Variants in HES5 observed in about 807,000 individuals in gnomAD.
HES5 encodes transcription factor HES-5.
Under a neutral mutation model 9.6 loss-of-function variants are expected in HES5, and 12 were observed. The observed-to-expected ratio is 1.25, with a 90% CI of 0.80 to 2.03. The LOEUF is 2.03. Among genes scored for constraint, HES5 ranks in the 30% most tolerant of loss-of-function variants. HES5 has a pLI of 0.00. For missense variants in HES5, 255 were observed against 218.6 expected, an observed-to-expected ratio of 1.17 and a Z score of -1.05; for synonymous variants, 131 against 102.4, an observed-to-expected ratio of 1.28 and a Z score of -1.69.
At position 2,529,715 on chromosome 1, in the gene HES5, G is replaced by A; in HGVS notation, c.255C>T (p.His85=). The part of the protein sequence containing the change: ...FVAAAGPKSL[H]QDYSEGYSWC... ...ACGAGTAGCCTTCGCTGTAGTCCTG[G>A]TGCAGGCTCTTGGGGCCGGCGGCGG... Residue 85 remains histidine (H), a synonymous_variant, in exon 3 of 3, where the codon CAC becomes CAT. Coordinates refer to ENST00000378453, the MANE Select transcript of HES5 (RefSeq NM_001010926.4). This position sits in a 1 kb window ranked among gnomAD's most constrained non-coding sequence, Gnocchi z 4.5. 7.9e-7 allele frequency: 1 copy of A among 1,269,712 alleles called. No individual in the cohort carries two copies. Among genetic ancestry groups the A allele is most frequent in the Non-Finnish European group, 1.0e-6 (1 of 995,134 alleles). The allele number at this position is 1,269,712 out of a possible 1,614,324, so 78.7% of individuals were successfully genotyped here. A position where few individuals can be genotyped will look rare whatever the true frequency, so the allele number is the denominator to read the frequency against.
Position 2,530,023 on chromosome 1 carries a change from G to T in HES5, c.55-12C>A, listed in dbSNP as rs1008214132. On this transcript the variant is annotated splice_polypyrimidine_tract_variant and intron_variant, in intron 1 of 2. Coordinates refer to ENST00000378453, the MANE Select transcript of HES5 (RefSeq NM_001010926.4). Reference sequence around the variant, plus strand: ...ACCGGCTTCCGCAGCTGCGGGAGGAGGGGGTGTCAGGCTGGCCCGGCACGG... The same window carrying T: ...ACCGGCTTCCGCAGCTGCGGGAGGATGGGGTGTCAGGCTGGCCCGGCACGG... 3.1e-6 allele frequency: 5 copies of T among 1,603,130 alleles called. No individual in the cohort carries two copies. In the African/African-American group the frequency reaches 6.7e-5, roughly 21 times the overall value.
chr1:2,528,755 A>G lies in HES5; in HGVS notation c.*714T>C, dbSNP rs1161195590. The G allele has an allele frequency of 6.6e-6, 1 of 152,402 alleles. No individual in the cohort carries two copies. The highest frequency in any genetic ancestry group is 2.4e-5 in the African/African-American group (1 of 41,444). 9.4% of individuals were successfully genotyped at this position (152,402 alleles called of 1,614,324 possible). A position where few individuals can be genotyped will look rare whatever the true frequency, so the allele number is the denominator to read the frequency against. ...GCAGACGACACTGTGTTGGGGGCTG[A>G]ACAATCAGATTTTATTATGGCGGCT... is the stretch of plus-strand genomic sequence containing the variant. On this transcript the variant is annotated 3_prime_UTR_variant, in exon 3 of 3. Transcript: ENST00000378453.
At position 2,530,154 on chromosome 1, in the gene HES5, C is replaced by T; in HGVS notation, c.11G>A (p.Ser4Asn). Residue 4 changes from serine (S) to asparagine (N), a missense_variant, in exon 1 of 3, where the codon AGC becomes AAC. Physicochemically the swap from Ser to Asn is conservative, Grantham distance 46 (BLOSUM62 1). Coordinates refer to ENST00000378453, the MANE Select transcript of HES5 (RefSeq NM_001010926.4). The stretch of plus-strand genomic sequence containing the variant: ...GCTGAGCAGCTCCACGGCCACAGTG[C>T]TGGGGGCCATGCCTGGCGCGGAACA... Reference protein sequence around the residue: MAPSTVAVELLSPK... With the variant: MAPNTVAVELLSPK... The T allele has an allele frequency of 6.6e-7, 1 of 1,522,922 alleles. No homozygotes were observed. The highest frequency in any genetic ancestry group is 8.8e-7 in the Non-Finnish European group (1 of 1,133,842). 94.3% of individuals were successfully genotyped at this position (1,522,922 alleles called of 1,614,324 possible). A position where few individuals can be genotyped will look rare whatever the true frequency, so the allele number is the denominator to read the frequency against.
In HES5 at chr1:2,529,299, A is replaced by AT; in HGVS notation, c.*169dup. 1 of 538,688 alleles carries AT rather than the reference A, an allele frequency of 1.9e-6. No individual in the cohort carries two copies. Among genetic ancestry groups the AT allele is most frequent in the Non-Finnish European group, 2.4e-6 (1 of 418,590 alleles). The allele number at this position is 538,688 out of a possible 1,614,324, so 33.4% of individuals were successfully genotyped here. Reference sequence around the variant, plus strand: ...AAAACGGCAGGGACTCTGCACACACATTCTCTGAGAATGGGGCTCCTGCGG... The same window carrying AT: ...AAAACGGCAGGGACTCTGCACACACATTTCTCTGAGAATGGGGCTCCTGCGG... On this transcript the variant is annotated 3_prime_UTR_variant, in exon 3 of 3. Coordinates refer to ENST00000378453, the MANE Select transcript of HES5 (RefSeq NM_001010926.4). This position sits in a 1 kb window ranked among gnomAD's most constrained non-coding sequence, Gnocchi z 4.5.
chr1:2,530,222 CGGGCGCGGGCAAGGCCAAGCGCG>C lies in HES5; in HGVS notation c.-81_-59del. 2.2e-6 allele frequency: 3 copies of C among 1,395,068 alleles called. No homozygotes were observed. In the South Asian group the frequency reaches 4.7e-5, roughly 22 times the overall value. The allele number at this position is 1,395,068 out of a possible 1,614,324, so 86.4% of individuals were successfully genotyped here. A position where few individuals can be genotyped will look rare whatever the true frequency, so the allele number is the denominator to read the frequency against. On this transcript the variant is annotated 5_prime_UTR_variant, in exon 1 of 3. Coordinates refer to ENST00000378453, the MANE Select transcript of HES5 (RefSeq NM_001010926.4). ...GGGAGGCCGGGCGAGACGAGGCGAG[CGGGCGCGGGCAAGGCCAAGCGCG>C]TCCCGGGCTGGCGCGGACACCGGCC...
At position 2,529,581 on chromosome 1, in the gene HES5, G is replaced by A; in HGVS notation, c.389C>T (p.Ala130Val). Reference protein sequence around the residue: ...QRPPAAPAAPAKEPKAPGAAP... With the variant: ...QRPPAAPAAPVKEPKAPGAAP... ...GGCGCCCGGCGCCTTGGGCTCCTTGGCGGGCGCGGCGGGCGCGGCCGGGGG... is the reference window on the plus strand; with the variant it reads ...GGCGCCCGGCGCCTTGGGCTCCTTGACGGGCGCGGCGGGCGCGGCCGGGGG... Residue 130 changes from alanine to valine, a missense_variant, in exon 3 of 3, where the codon GCC becomes GTC. Coordinates refer to ENST00000378453, the MANE Select transcript of HES5 (RefSeq NM_001010926.4). The surrounding 1 kb of genome is among the most constrained non-coding windows in gnomAD (Gnocchi z 4.5). 1.7e-6 allele frequency: 2 copies of A among 1,144,980 alleles called. No individual in the cohort carries two copies. The highest frequency in any genetic ancestry group is 3.8e-5 in the South Asian group (1 of 26,466). 70.9% of individuals were successfully genotyped at this position (1,144,980 alleles called of 1,614,324 possible).
chr1:2,529,529 C>T lies in HES5; in HGVS notation c.441G>A (p.Lys147=), dbSNP rs1643976782. Residue 147 remains lysine (K), a synonymous_variant, in exon 3 of 3, where the codon AAG becomes AAA. Transcript: ENST00000378453. The surrounding 1 kb of genome is among the most constrained non-coding windows in gnomAD (Gnocchi z 4.5). ...GAAPPPALSA[K]ATAAAAAAHQ... ...GCGCGGCGGCGGCGGCGGCGGTGGCCTTGGCGGAGAGCGCGGGCGGGGGCG... is the reference window on the plus strand; with the variant it reads ...GCGCGGCGGCGGCGGCGGCGGTGGCTTTGGCGGAGAGCGCGGGCGGGGGCG... 2.8e-6 allele frequency: 3 copies of T among 1,067,436 alleles called. No homozygotes were observed. The highest frequency in any genetic ancestry group is 3.4e-6 in the Non-Finnish European group (3 of 882,724). 66.1% of individuals were successfully genotyped at this position (1,067,436 alleles called of 1,614,324 possible). A position where few individuals can be genotyped will look rare whatever the true frequency, so the allele number is the denominator to read the frequency against.
rs1643988943 is a variant in HES5 at position 2,530,186 on chromosome 1, G to A, written c.-22C>T. The A allele has an allele frequency of 6.8e-7, 1 of 1,476,396 alleles. No individual in the cohort carries two copies. The allele number at this position is 1,476,396 out of a possible 1,614,324, so 91.5% of individuals were successfully genotyped here. On this transcript the variant is annotated 5_prime_UTR_variant, in exon 1 of 3. Coordinates refer to ENST00000378453, the MANE Select transcript of HES5 (RefSeq NM_001010926.4). Reference sequence around the variant, plus strand: ...CCATGCCTGGCGCGGAACAGGCGACGAGGCGACGCGGGGAGGCCGGGCGAG... The same window carrying A: ...CCATGCCTGGCGCGGAACAGGCGACAAGGCGACGCGGGGAGGCCGGGCGAG...
In HES5 at chr1:2,529,709, G is replaced by A. The variant is rs926290877; in HGVS notation, c.261C>T (p.Asp87=). 3 of 1,282,560 alleles carry A rather than the reference G, an allele frequency of 2.3e-6. No homozygotes were observed. Among genetic ancestry groups the A allele is most frequent in the Non-Finnish European group, 3.0e-6 (3 of 1,002,192 alleles). The allele number at this position is 1,282,560 out of a possible 1,614,324, so 79.4% of individuals were successfully genotyped here. A position where few individuals can be genotyped will look rare whatever the true frequency, so the allele number is the denominator to read the frequency against. Residue 87 remains aspartate (D), a synonymous_variant, in exon 3 of 3, where the codon GAC becomes GAT. Coordinates refer to ENST00000378453, the MANE Select transcript of HES5 (RefSeq NM_001010926.4). This position sits in a 1 kb window ranked among gnomAD's most constrained non-coding sequence, Gnocchi z 4.5. ...GGCACCACGAGTAGCCTTCGCTGTA[G>A]TCCTGGTGCAGGCTCTTGGGGCCGG... is the stretch of plus-strand genomic sequence containing the variant. ...AAAGPKSLHQ[D]YSEGYSWCLQ...
rs1213198965 is a variant in HES5, at chr1:2,529,793, G to A, written c.221-44C>T. On this transcript the variant is annotated intron_variant, in intron 2 of 2. Transcript: ENST00000378453. This position sits in a 1 kb window ranked among gnomAD's most constrained non-coding sequence, Gnocchi z 4.5. ...GCGGTGAGCGGGCGGCGGGGCGCGG[G>A]GGAGCCGGGGCGCGGTGGGAACTCG... is the stretch of plus-strand genomic sequence containing the variant. 3.9e-6 allele frequency: 5 copies of A among 1,283,634 alleles called. No homozygotes were observed. The South Asian group carries it at 1.5e-4, about 37-fold the overall frequency. 79.5% of individuals were successfully genotyped at this position (1,283,634 alleles called of 1,614,324 possible).
In HES5 at chr1:2,529,776, C is replaced by T. The variant is rs776833287; in HGVS notation, c.221-27G>A. 346 of 1,241,624 alleles carry T rather than the reference C, an allele frequency of 2.8e-4. 1 individual carries two copies. Among genetic ancestry groups the T allele is most frequent in the Non-Finnish European group, 3.4e-4 (340 of 987,596 alleles). 76.9% of individuals were successfully genotyped at this position (1,241,624 alleles called of 1,614,324 possible). Reference sequence around the variant, plus strand: ...TGCGGGGAGACGCGGCGGCGGTGAGCGGGCGGCGGGGCGCGGGGGAGCCGG... The same window carrying T: ...TGCGGGGAGACGCGGCGGCGGTGAGTGGGCGGCGGGGCGCGGGGGAGCCGG... On this transcript the variant is annotated intron_variant, in intron 2 of 2. Transcript: ENST00000378453. This position sits in a 1 kb window ranked among gnomAD's most constrained non-coding sequence, Gnocchi z 4.5.
In HES5 at chr1:2,530,087, G is replaced by A. The variant is rs778932755; in HGVS notation, c.54+24C>T. 3.5e-5 allele frequency: 56 copies of A among 1,592,236 alleles called. No homozygotes were observed. The South Asian group carries it at 5.8e-4, about 16-fold the overall frequency. ...GAGGACCGGAGGCCGCGGGGACAGC[G>A]CGCCGGGCGAGTCTGGTACTTACTC... On this transcript the variant is annotated intron_variant, in intron 1 of 2. Coordinates refer to ENST00000378453, the MANE Select transcript of HES5 (RefSeq NM_001010926.4).
chr1:2,529,891 C>T lies in HES5; in HGVS notation c.175G>A (p.Ala59Thr), dbSNP rs764855346. ...CTGACAGCCATCTCCAGGATGTCGG[C>T]CTTCTCCAGCTTGGAGTTGGGCTGG... ...RHQPNSKLEK[A>T]DILEMAVSYL... The change falls in exon 2 of 3, where the codon GCC (alanine) becomes ACC (threonine). Residue 59 changes from alanine to threonine, a missense_variant. By Grantham distance (58) the Ala-to-Thr change is moderately conservative. Transcript: ENST00000378453. The surrounding 1 kb of genome is among the most constrained non-coding windows in gnomAD (Gnocchi z 4.5). 1.9e-6 allele frequency: 3 copies of T among 1,603,476 alleles called. No individual in the cohort carries two copies. Among genetic ancestry groups the T allele is most frequent in the Non-Finnish European group, 2.6e-6 (3 of 1,175,402 alleles).
Position 2,529,239 on chromosome 1 carries a change from C to G in HES5, c.*230G>C. On this transcript the variant is annotated 3_prime_UTR_variant, in exon 3 of 3. Transcript: ENST00000378453. This position sits in a 1 kb window ranked among gnomAD's most constrained non-coding sequence, Gnocchi z 4.5. ...CAAACACAGAACAACCCCATGGGGTCAGACACTTGGCAGAAGATGGGCCCT... is the reference window on the plus strand; with the variant it reads ...CAAACACAGAACAACCCCATGGGGTGAGACACTTGGCAGAAGATGGGCCCT... The G allele has an allele frequency of 4.7e-6, 1 of 214,212 alleles. No individual in the cohort carries two copies. Among genetic ancestry groups the G allele is most frequent in the Non-Finnish European group, 8.2e-6 (1 of 122,596 alleles). 13.3% of individuals were successfully genotyped at this position (214,212 alleles called of 1,614,324 possible).
Position 2,529,853 on chromosome 1 carries a change from G to A in HES5, c.213C>T (p.His71=), listed in dbSNP as rs1282441465. ...ILEMAVSYLK[H]SKAFVAAAGP... ...GGGCCCGGGCGCGCTCACCTTTGCT[G>A]TGCTTCAGGTAGCTGACAGCCATCT... The change falls in exon 2 of 3, where the codon CAC becomes CAT. Residue 71 remains histidine, a synonymous_variant. Coordinates refer to ENST00000378453, the MANE Select transcript of HES5 (RefSeq NM_001010926.4). This position sits in a 1 kb window ranked among gnomAD's most constrained non-coding sequence, Gnocchi z 4.5. 1.9e-6 allele frequency: 3 copies of A among 1,579,570 alleles called. No homozygotes were observed. Among genetic ancestry groups the A allele is most frequent in the Non-Finnish European group, 2.6e-6 (3 of 1,161,874 alleles).
At position 2,529,911 on chromosome 1, in the gene HES5, G is replaced by C; in HGVS notation, c.155C>G (p.Pro52Arg). The change falls in exon 2 of 3, where the codon CCC becomes CGC. Residue 52 changes from proline to arginine, a missense_variant. Coordinates refer to ENST00000378453, the MANE Select transcript of HES5 (RefSeq NM_001010926.4). This position sits in a 1 kb window ranked among gnomAD's most constrained non-coding sequence, Gnocchi z 4.5. ...GTCGGCCTTCTCCAGCTTGGAGTTG[G>C]GCTGGTGCCGCGCGAACTCCTGCTC... ...LLEQEFARHQ[P>R]NSKLEKADIL... The C allele has an allele frequency of 6.2e-7, 1 of 1,607,022 alleles. No individual in the cohort carries two copies. The highest frequency in any genetic ancestry group is 1.1e-5 in the South Asian group (1 of 89,994).
Position 2,530,147 on chromosome 1 carries a change from C to T in HES5, c.18G>A (p.Val6=). The T allele has an allele frequency of 6.5e-7, 1 of 1,545,900 alleles. No homozygotes were observed. Among genetic ancestry groups the T allele is most frequent in the East Asian group, 2.5e-5 (1 of 40,526 alleles). Residue 6 remains valine (V), a synonymous_variant, in exon 1 of 3, where the codon GTG becomes GTA. Coordinates refer to ENST00000378453, the MANE Select transcript of HES5 (RefSeq NM_001010926.4). ...CTTTGGGGCTGAGCAGCTCCACGGC[C>T]ACAGTGCTGGGGGCCATGCCTGGCG... MAPST[V]AVELLSPKEK...
In HES5 at chr1:2,529,782, GCGGGGCGCGGGGGAGC is replaced by G. The variant is rs1643981369; in HGVS notation, c.220+48_221-34del. ...GAGACGCGGCGGCGGTGAGCGGGCG[GCGGGGCGCGGGGGAGC>G]CGGGGCGCGGTGGGAACTCGGGGCG... On this transcript the variant is annotated intron_variant, in intron 2 of 2. Transcript: ENST00000378453. This position sits in a 1 kb window ranked among gnomAD's most constrained non-coding sequence, Gnocchi z 4.5. The G allele has an allele frequency of 1.9e-5, 24 of 1,253,910 alleles. No individual in the cohort carries two copies. Among genetic ancestry groups the G allele is most frequent in the East Asian group, 3.3e-5 (1 of 30,308 alleles). The allele number at this position is 1,253,910 out of a possible 1,614,324, so 77.7% of individuals were successfully genotyped here. A position where few individuals can be genotyped will look rare whatever the true frequency, so the allele number is the denominator to read the frequency against.
At position 2,530,205 on chromosome 1, in the gene HES5, G is replaced by A. The variant is rs766361388; in HGVS notation, c.-41C>T. 12 of 1,436,716 alleles carry A rather than the reference G, an allele frequency of 8.4e-6. No homozygotes were observed. The highest frequency in any genetic ancestry group is 2.9e-5 in the South Asian group (2 of 69,542). The allele number at this position is 1,436,716 out of a possible 1,614,324, so 89.0% of individuals were successfully genotyped here. A position where few individuals can be genotyped will look rare whatever the true frequency, so the allele number is the denominator to read the frequency against. Reference sequence around the variant, plus strand: ...GGCGACGAGGCGACGCGGGGAGGCCGGGCGAGACGAGGCGAGCGGGCGCGG... The same window carrying A: ...GGCGACGAGGCGACGCGGGGAGGCCAGGCGAGACGAGGCGAGCGGGCGCGG... On this transcript the variant is annotated 5_prime_UTR_variant, in exon 1 of 3. Transcript: ENST00000378453.
Sources: allele counts gnomAD v4.1 joint callset, GRCh38; gene constraint gnomAD v4.1.1; non-coding constraint Gnocchi (gnomAD v3.1); transcripts MANE v1.5; gene names NCBI Gene and HGNC (gene_info 2026-07-23, HGNC 2026-07-21).